Variants in FRAS1 observed in about 807,000 individuals in gnomAD.
FRAS1 encodes the protein Fraser extracellular matrix complex subunit 1.
A neutral mutation model predicts 435.2 loss-of-function variants in FRAS1; 290 were observed. The ratio of observed to expected loss-of-function variants is 0.67; its 90% CI spans 0.61 to 0.73. The LOEUF is 0.73. FRAS1 is among the 30% of genes least tolerant of loss of function. FRAS1 has a pLI of 0.00. For synonymous variants in FRAS1, 1,800 were observed against 1,851.0 expected (o/e 0.97, Z 0.71); for missense variants, 4,860 against 5,001.5 (o/e 0.97, Z 0.85).
At chr4:78,317,318 CT>C (rs1344926428) in intron 16 of FRAS1, 49 bp from the exon 17 acceptor site, 5 of 1,609,300 alleles carry the variant, frequency 3.1e-6, no homozygotes, top group Non-Finnish European at 4.2e-6. Context: ...GAAGTGGGCA[CT>C]TTATTCACCC....
At chr4:78,353,861 G>C (rs1353738925) in intron 20 of FRAS1, among the ~76,000 whole-genome samples, 2 of 13,000 alleles carry the variant, frequency 1.5e-4, no homozygotes, top group East Asian at 1.9e-3. Context: ...GGTCAGGGGA[G>C]GGGGGAGGGA....
chr4:78,469,970 C>T lies in FRAS1; in HGVS notation c.7258-8C>T. Reference sequence around the variant, plus strand: ...ATGATGAGTTTTCTTTTCTGCCCTCCCCTTCAGATTATGACAGCAGCACCT... The same window carrying T: ...ATGATGAGTTTTCTTTTCTGCCCTCTCCTTCAGATTATGACAGCAGCACCT... On this transcript the variant is annotated splice_polypyrimidine_tract_variant and splice_region_variant and intron_variant, in intron 50 of 73. Coordinates refer to ENST00000512123, the MANE Select transcript of FRAS1 (RefSeq NM_025074.7). 6.2e-7 allele frequency: 1 copy of T among 1,603,064 alleles called. No homozygotes were observed. Among genetic ancestry groups the T allele is most frequent in the Non-Finnish European group, 8.5e-7 (1 of 1,170,646 alleles).
rs748165956 is a variant in FRAS1, at chr4:78,156,156, G to A, written c.109-81354G>A. Among the ~76,000 whole-genome samples the A allele has an allele frequency of 2.8e-4, 43 of 152,094 alleles. 1 individual carries two copies. Among genetic ancestry groups the A allele is most frequent in the Admixed American group, 3.9e-4 (6 of 15,264 alleles). On this transcript the variant is annotated intron_variant, in intron 2 of 73. Transcript: ENST00000512123. Reference sequence around the variant, plus strand: ...TGTCCACTGACAGTATTCAAAGGGCGGAGGTGCAAGACTCTCTTTTTGTAA... The same window carrying A: ...TGTCCACTGACAGTATTCAAAGGGCAGAGGTGCAAGACTCTCTTTTTGTAA...
intron 18 of FRAS1, chr4:78,319,542 T>C (rs1729414476): frequency 2.6e-6 from 1 of 381,068 alleles, no homozygotes; most frequent in Non-Finnish European, 5.4e-6. Context: ...ACAAGTAGCC[T>C]TGCTGTTGGG....
chr4:78,163,277 A>C (rs1410589043), intron 2 of FRAS1, among the ~76,000 whole-genome samples: 1 of 152,214 alleles, frequency 6.6e-6, no homozygotes, highest in East Asian at 1.9e-4. Context: ...GATTGTAGAT[A>C]TACAACTCCA....
intron 29 of FRAS1, among the ~76,000 whole-genome samples, chr4:78,398,338 C>G (rs1732754139): frequency 6.6e-6 from 1 of 152,198 alleles, no homozygotes; most frequent in Admixed American, 6.5e-5. Context: ...TGGGATCTTT[C>G]CAAAGTACAG....
intron 2 of FRAS1, chr4:78,072,092 GA>G (rs1184929342): frequency 6.6e-6 from 1 of 151,408 alleles, no homozygotes; most frequent in Non-Finnish European, 1.5e-5. Context: ...TTGAATAAAA[GA>G]AAAGGAGTAA....
At chr4:78,225,635 C>A (rs561227575) in intron 2 of FRAS1, among the ~76,000 whole-genome samples, 34 of 152,348 alleles carry the variant, frequency 2.2e-4, no homozygotes, top group Non-Finnish European at 3.4e-4. Flanking sequence ...CTGGGTTAGA[C>A]TGTATTCATC....
At chr4:78,372,308 C>G (rs1462873228) in intron 23 of FRAS1, among the ~76,000 whole-genome samples, 1 of 152,196 alleles carries the variant, frequency 6.6e-6, no homozygotes, top group Non-Finnish European at 1.5e-5. Flanking sequence ...TGTCTGACAT[C>G]TCTTTACCTA....
chr4:78,323,389 A>G (rs2110244158), intron 18 of FRAS1, among the ~76,000 whole-genome samples: 1 of 152,360 alleles, frequency 6.6e-6, no homozygotes, highest in African/African-American at 2.4e-5. Context: ...TAGCACTGAT[A>G]GATTCAAGTG....
chr4:78,503,942 A>G (rs1720754145), intron 61 of FRAS1, among the ~76,000 whole-genome samples: 1 of 152,216 alleles, frequency 6.6e-6, no homozygotes, highest in Non-Finnish European at 1.5e-5. Flanking sequence ...TTCAAAGAAC[A>G]TCTTTATTTC....
intron 42 of FRAS1, 98 bp downstream of exon 42, chr4:78,445,810 G>A: frequency 7.0e-7 from 1 of 1,430,606 alleles, no homozygotes. Flanking sequence ...AAAGAAGATT[G>A]GATTTGACCT....
In FRAS1 at chr4:78,499,755, A is replaced by G. The variant is rs1220567487; in HGVS notation, c.9150A>G (p.Gln3050=). The change falls in exon 61 of 74, where the codon CAA becomes CAG. Residue 3050 remains glutamine (Q), a synonymous_variant. Coordinates refer to ENST00000512123, the MANE Select transcript of FRAS1 (RefSeq NM_025074.7). ...TTGAGTTTGAAGAAGCTGCATACCA[A>G]GTCCGGGAACCCGCAGGCCCAGATG... ...PTIEFEEAAY[Q]VREPAGPDAI... The G allele has an allele frequency of 6.2e-7, 1 of 1,613,920 alleles. No individual in the cohort carries two copies. The highest frequency in any genetic ancestry group is 1.1e-5 in the South Asian group (1 of 91,070).
intron 2 of FRAS1, among the ~76,000 whole-genome samples, chr4:78,152,607 CTTTTTTTTT>C (rs71214398): frequency 2.8e-5 from 2 of 72,412 alleles, no homozygotes; most frequent in South Asian, 7.7e-4. Context: ...ATGTAGGCTG[CTTTTTTTTT>C]TTTTTTTTTT....
rs529137495 is a variant in FRAS1 at position 78,112,846 on chromosome 4, C to G, written c.108+46830C>G. Among the ~76,000 whole-genome samples, 3 of 151,206 alleles carry G rather than the reference C, an allele frequency of 2.0e-5. No individual in the cohort carries two copies. The East Asian group carries it at 5.8e-4, about 29-fold the overall frequency. On this transcript the variant is annotated intron_variant, in intron 2 of 73. Coordinates refer to ENST00000512123, the MANE Select transcript of FRAS1 (RefSeq NM_025074.7). ...TTTATTTATTCATTTTTTTATTATA[C>G]TTTAAGTTTTAGGGTACATGTGCAC...
intron 22 of FRAS1, among the ~76,000 whole-genome samples, chr4:78,364,888 G>A (rs1003345229): frequency 6.6e-6 from 1 of 152,188 alleles, no homozygotes; most frequent in Non-Finnish European, 1.5e-5. Context: ...GGTTAGGAGA[G>A]TGGGCTCTAG....
At position 78,324,708 on chromosome 4, in the gene FRAS1, C is replaced by CTTTTTTTTTTTTTTTT. The variant is rs139942839; in HGVS notation, c.2137+5730_2137+5745dup. ...CTTTCTTTTTATTAAGCTCAGATTC[C>CTTTTTTTTTTTTTTTT]TTTTTTTTTTTTTTTTTTTTTTTCT... On this transcript the variant is annotated intron_variant, in intron 18 of 73. Coordinates refer to ENST00000512123, the MANE Select transcript of FRAS1 (RefSeq NM_025074.7). 9.1e-5 allele frequency among the ~76,000 whole-genome samples: 8 copies of CTTTTTTTTTTTTTTTT among 88,122 alleles called. 1 individual carries two copies. Among genetic ancestry groups the CTTTTTTTTTTTTTTTT allele is most frequent in the South Asian group, 8.0e-4 (2 of 2,486 alleles). The allele number at this position is 88,122 out of a possible 152,430, so 57.8% of individuals were successfully genotyped here.
At chr4:78,247,848 A>G (rs1162568967) in intron 4 of FRAS1, among the ~76,000 whole-genome samples, 1 of 152,130 alleles carries the variant, frequency 6.6e-6, no homozygotes, top group Non-Finnish European at 1.5e-5. Flanking sequence ...TGGAATGGTG[A>G]TCTGAAGTGG....
At chr4:78,180,927 T>C in intron 2 of FRAS1, 1 of 1,608,162 alleles carries the variant, frequency 6.2e-7, no homozygotes. Context: ...ACTTGACTTG[T>C]CGGTCCTGCT....
Sources: gnomAD v4.1 joint callset for allele counts (sites outside exome capture counted in the v4.1 genomes callset) on GRCh38, gnomAD v4.1.1 for gene constraint, MANE v1.5 for transcripts, NCBI Gene and HGNC (gene_info 2026-07-23, HGNC 2026-07-21) for gene names.